ST18: variants seen among roughly 807,000 people sequenced by gnomAD.
The protein encoded by ST18 is suppression of tumorigenicity 18 protein.
Under a neutral mutation model 110.0 loss-of-function variants are expected in ST18, and 50 were observed. The observed-to-expected ratio is 0.45, with a 90% CI of 0.36 to 0.58. The LOEUF is 0.58. Among genes scored for constraint, ST18 ranks in the 20% least tolerant of loss-of-function variants. The pLI is 0.00. For synonymous variants in ST18, 461 were observed against 452.4 expected (o/e 1.02, Z -0.24); for missense variants, 1,306 against 1,280.1 (o/e 1.02, Z -0.31).
chr8:52,308,240 G>A (rs988719972), intron 2 of ST18, among the ~76,000 whole-genome samples: 2 of 152,208 alleles, frequency 1.3e-5, no homozygotes, highest in Admixed American at 6.5e-5. Flanking sequence ...CACATCGGCT[G>A]TGAGCAAAAG....
At chr8:52,278,193 C>T (rs1388097656) in intron 2 of ST18, among the ~76,000 whole-genome samples, 3 of 152,026 alleles carry the variant, frequency 2.0e-5, no homozygotes, top group Non-Finnish European at 2.9e-5. Context: ...AGATTTTAGG[C>T]CAGGAATGAT....
At chr8:52,169,613 G>A (rs1448832947) in intron 10 of ST18, among the ~76,000 whole-genome samples, 1 of 149,946 alleles carries the variant, frequency 6.7e-6, no homozygotes, top group Admixed American at 6.6e-5. Flanking sequence ...GAATATGGCT[G>A]TCAGTTGGGA....
At chr8:52,210,593 G>A (rs1014277190) in intron 8 of ST18, among the ~76,000 whole-genome samples, 3 of 152,074 alleles carry the variant, frequency 2.0e-5, no homozygotes, top group Non-Finnish European at 2.9e-5. Flanking sequence ...AGGAGTTTTA[G>A]GCTGCAGCAA....
chr8:52,187,668 G>C (rs936745825), intron 8 of ST18, among the ~76,000 whole-genome samples: 1 of 152,174 alleles, frequency 6.6e-6, no homozygotes, highest in African/African-American at 2.4e-5. Flanking sequence ...GGAAAGGAAA[G>C]GCATTTTTCA....
intron 9 of ST18, among the ~76,000 whole-genome samples, chr8:52,174,592 G>A (rs937570751): frequency 1.3e-5 from 2 of 152,160 alleles, no homozygotes; most frequent in Non-Finnish European, 2.9e-5. Context: ...CCAGAGAGGC[G>A]GGAGTGACAA....
At chr8:52,357,671 CTATAAATATATATA>C (rs1172787835) in intron 2 of ST18, among the ~76,000 whole-genome samples, 29 of 60,018 alleles carry the variant, frequency 4.8e-4, no homozygotes, top group African/African-American at 1.3e-3. Flanking sequence ...TCCCCAAAAT[CTATAAATATATATA>C]TATATATATA....
intron 2 of ST18, among the ~76,000 whole-genome samples, chr8:52,260,338 T>A (rs1186806127): frequency 1.3e-5 from 2 of 152,186 alleles, no homozygotes; most frequent in African/African-American, 4.8e-5. Flanking sequence ...ATCAGATGGA[T>A]AAAGTTCTTG....
rs1223125553 is a variant in ST18 at position 52,142,950 on chromosome 8, A to G, written c.2148T>C (p.Asp716=). The change falls in exon 17 of 26, where the codon GAT becomes GAC. Residue 716 remains aspartate, a synonymous_variant. Transcript: ENST00000689386. ...CTTACGTGATTAGTTCCTTTTTGAG[A>G]TCTCTTGCATGAAGCTTGGGTTTAG... ...PSPKPKLHAR[D]LKKELITCPT... is the part of the protein sequence containing the mutation. 2 of 1,613,678 alleles carry G rather than the reference A, an allele frequency of 1.2e-6. No homozygotes were observed. The highest frequency in any genetic ancestry group is 3.3e-5 in the Admixed American group (2 of 59,984).
chr8:52,123,256 T>C (rs1322499153), intron 23 of ST18, among the ~76,000 whole-genome samples: 1 of 152,224 alleles, frequency 6.6e-6, no homozygotes, highest in Non-Finnish European at 1.5e-5. Flanking sequence ...CTAATTCAGC[T>C]AATTACATGA....
intron 2 of ST18, among the ~76,000 whole-genome samples, chr8:52,245,175 T>C (rs1188515540): frequency 1.3e-5 from 2 of 152,190 alleles, no homozygotes. Flanking sequence ...AAGTATACTA[T>C]AGAAACAAAA....
At chr8:52,253,305 A>G (rs1297281420) in intron 2 of ST18, among the ~76,000 whole-genome samples, 1 of 152,064 alleles carries the variant, frequency 6.6e-6, no homozygotes, top group Admixed American at 6.6e-5. Flanking sequence ...AGGTTTTGAA[A>G]TTTTTCTGTA....
chr8:52,234,881 A>G (rs907509084), intron 2 of ST18, among the ~76,000 whole-genome samples: 6 of 152,122 alleles, frequency 3.9e-5, no homozygotes, highest in Non-Finnish European at 8.8e-5. Context: ...ACCAAACATT[A>G]TATGTTCTCA....
At chr8:52,330,164 A>G (rs142691936) in intron 2 of ST18, among the ~76,000 whole-genome samples, 4 of 152,258 alleles carry the variant, frequency 2.6e-5, no homozygotes, top group African/African-American at 4.8e-5. Flanking sequence ...GTAGATTAAT[A>G]TTTCCTTTAT....
intron 2 of ST18, among the ~76,000 whole-genome samples, chr8:52,315,766 C>A (rs1343786442): frequency 4.6e-5 from 7 of 152,242 alleles, no homozygotes; most frequent in African/African-American, 1.7e-4. Context: ...AGCTGTCAAG[C>A]AAATTTAAAT....
chr8:52,303,634 A>G (rs909144866), intron 2 of ST18, among the ~76,000 whole-genome samples: 2 of 152,208 alleles, frequency 1.3e-5, no homozygotes, highest in African/African-American at 4.8e-5. Context: ...AGAGGAGGTA[A>G]CATCACTTCT....
intron 2 of ST18, among the ~76,000 whole-genome samples, chr8:52,267,835 T>C (rs1321027932): frequency 6.6e-6 from 1 of 152,172 alleles, no homozygotes; most frequent in Non-Finnish European, 1.5e-5. Flanking sequence ...GGCTGCCAGG[T>C]CTTGAGCTGA....
Position 52,296,413 on chromosome 8 carries a change from C to A in ST18, c.-464-66336G>T, listed in dbSNP as rs1362631929. The A allele has an allele frequency of 1.3e-5, 2 of 152,222 alleles. 1 individual carries two copies. The highest frequency in any genetic ancestry group is 2.9e-5 in the Non-Finnish European group (2 of 68,078). The allele number at this position is 152,222 out of a possible 1,614,324, so 9.4% of individuals were successfully genotyped here. A position where few individuals can be genotyped will look rare whatever the true frequency, so the allele number is the denominator to read the frequency against. The stretch of plus-strand genomic sequence containing the variant: ...CCGGCCCTCCTAGACGGGGGGAACT[C>A]CCCTGTCCTCTGCAGGAATGTCAAA... On this transcript the variant is annotated intron_variant, in intron 2 of 25. Coordinates refer to ENST00000689386, the MANE Select transcript of ST18 (RefSeq NM_001352837.2).
chr8:52,136,442 A>T lies in ST18; in HGVS notation c.2300+148T>A, dbSNP rs564202519. 2.0e-4 allele frequency: 142 copies of T among 702,982 alleles called. 1 individual carries two copies. The highest frequency in any genetic ancestry group is 2.0e-3 in the South Asian group (109 of 54,296). The allele number at this position is 702,982 out of a possible 1,614,324, so 43.5% of individuals were successfully genotyped here. On this transcript the variant is annotated intron_variant, in intron 19 of 25. Transcript: ENST00000689386. ...ACAGTGATTTTGTTTCAGTCATCCC[A>T]GCGCTTTAGTCAGAAAGTGCCTTTG...
intron 5 of ST18, among the ~76,000 whole-genome samples, chr8:52,219,535 T>C (rs1239625743): frequency 6.6e-6 from 1 of 152,214 alleles, no homozygotes; most frequent in Non-Finnish European, 1.5e-5. Context: ...TGTCTTTGGC[T>C]CTATACAGAG....
Sources: gnomAD v4.1 joint callset for allele counts (sites outside exome capture counted in the v4.1 genomes callset) on GRCh38, gnomAD v4.1.1 for gene constraint, MANE v1.5 for transcripts, NCBI Gene and HGNC (gene_info 2026-07-23, HGNC 2026-07-21) for gene names.